Variants in DOK6 observed in about 807,000 individuals in gnomAD.
DOK6 encodes docking protein 6.
DOK6 carries 22 observed loss-of-function variants against 44.0 expected under a neutral mutation model. The observed-to-expected ratio is 0.50, with a 90% CI of 0.36 to 0.71. DOK6 has a LOEUF of 0.71. Among genes scored for constraint, DOK6 ranks in the 30% least tolerant of loss-of-function variants. DOK6 has a pLI of 0.00. For missense variants in DOK6, 340 were observed against 416.4 expected (o/e 0.82, Z 1.60); for synonymous variants, 166 against 145.5 (o/e 1.14, Z -1.01).
intron 4 of DOK6, among the ~76,000 whole-genome samples, chr18:69,695,658 T>C (rs1370013152): frequency 6.6e-6 from 1 of 152,194 alleles, no homozygotes; most frequent in African/African-American, 2.4e-5. Context: ...TTAGGTAACA[T>C]AATGTGCTGC....
intron 1 of DOK6, among the ~76,000 whole-genome samples, chr18:69,493,431 T>G (rs2144541653): frequency 6.6e-6 from 1 of 152,246 alleles, no homozygotes; most frequent in South Asian, 2.1e-4. Context: ...GCCTGAAAAC[T>G]TGTTAGAAAT....
chr18:69,644,842 T>A (rs980144732), intron 3 of DOK6, among the ~76,000 whole-genome samples: 2 of 152,232 alleles, frequency 1.3e-5, no homozygotes, highest in African/African-American at 4.8e-5. Flanking sequence ...ACAGGTGGAC[T>A]TGTTATCTTC....
At chr18:69,541,106 G>C (rs1263117455) in intron 1 of DOK6, among the ~76,000 whole-genome samples, 1 of 152,026 alleles carries the variant, frequency 6.6e-6, no homozygotes. Context: ...ATGTTTAATT[G>C]TTCCTTTGTT....
At chr18:69,527,398 C>T (rs987181933) in intron 1 of DOK6, among the ~76,000 whole-genome samples, 1 of 152,208 alleles carries the variant, frequency 6.6e-6, no homozygotes, top group African/African-American at 2.4e-5. Flanking sequence ...GTTCTTTTCA[C>T]ATGGCAGCAG....
At chr18:69,694,089 A>AAAAAAAAAAAAAAAT (rs1372739323) in intron 4 of DOK6, among the ~76,000 whole-genome samples, 46 of 144,302 alleles carry the variant, frequency 3.2e-4, no homozygotes, top group Non-Finnish European at 5.3e-4. Flanking sequence ...AAAAAAAAAA[A>AAAAAAAAAAAAAAAT]ATTGATCTAT....
intron 7 of DOK6, among the ~76,000 whole-genome samples, chr18:69,797,488 G>T (rs889561184): frequency 9.9e-5 from 15 of 151,926 alleles, no homozygotes; most frequent in African/African-American, 3.6e-4. Context: ...TGCTAACACA[G>T]GAAAAATAAT....
At chr18:69,489,701 T>C (rs1212926233) in intron 1 of DOK6, among the ~76,000 whole-genome samples, 1 of 152,194 alleles carries the variant, frequency 6.6e-6, no homozygotes, top group African/African-American at 2.4e-5. Flanking sequence ...TATCCTTCTC[T>C]TTCTAATGCA....
intron 3 of DOK6, among the ~76,000 whole-genome samples, chr18:69,648,977 C>T (rs976516807): frequency 2.0e-5 from 3 of 152,162 alleles, no homozygotes; most frequent in African/African-American, 4.8e-5. Flanking sequence ...AGCACTTAAT[C>T]CCACTAGATA....
intron 7 of DOK6, among the ~76,000 whole-genome samples, chr18:69,810,076 C>A (rs1269669229): frequency 6.6e-6 from 1 of 151,970 alleles, no homozygotes; most frequent in East Asian, 1.9e-4. Flanking sequence ...TGCCTGACTT[C>A]AAAATATACT....
intron 1 of DOK6, among the ~76,000 whole-genome samples, chr18:69,507,864 T>G (rs1257805439): frequency 1.3e-5 from 2 of 152,140 alleles, no homozygotes; most frequent in Admixed American, 1.3e-4. Context: ...GTAGCCTTGT[T>G]GCACTGACTG....
At chr18:69,518,709 CAG>C (rs1014278773) in intron 1 of DOK6, among the ~76,000 whole-genome samples, 5 of 151,878 alleles carry the variant, frequency 3.3e-5, no homozygotes, top group Admixed American at 2.0e-4. Context: ...AAAACAAAAA[CAG>C]AAAGAAAAAT....
intron 1 of DOK6, among the ~76,000 whole-genome samples, chr18:69,489,046 A>G (rs1436077593): frequency 6.6e-6 from 1 of 152,166 alleles, no homozygotes; most frequent in African/African-American, 2.4e-5. Context: ...TTTCTACTAA[A>G]TGGAAGATAG....
intron 4 of DOK6, among the ~76,000 whole-genome samples, chr18:69,682,162 G>A (rs1986059575): frequency 6.6e-6 from 1 of 152,150 alleles, no homozygotes; most frequent in East Asian, 1.9e-4. Context: ...AGACACCCTT[G>A]AATGTCATTC....
chr18:69,840,548 A>ATGCCCC (rs1328614841), intron 7 of DOK6, among the ~76,000 whole-genome samples: 1 of 152,212 alleles, frequency 6.6e-6, no homozygotes, highest in Non-Finnish European at 1.5e-5. Context: ...ACTATTTCTC[A>ATGCCCC]TGCAGGGGTG....
At chr18:69,537,329 G>A (rs910525170) in intron 1 of DOK6, among the ~76,000 whole-genome samples, 20 of 151,854 alleles carry the variant, frequency 1.3e-4, no homozygotes, top group African/African-American at 2.4e-4. Flanking sequence ...GCTTTTTTCC[G>A]CGGGCTATGT....
At chr18:69,490,550 C>T (rs2144539202) in intron 1 of DOK6, among the ~76,000 whole-genome samples, 1 of 152,142 alleles carries the variant, frequency 6.6e-6, no homozygotes, top group East Asian at 1.9e-4. Flanking sequence ...TTAGCATATA[C>T]TTAAGCTAGA....
chr18:69,600,143 T>C (rs1045439156), intron 3 of DOK6, among the ~76,000 whole-genome samples: 16 of 151,554 alleles, frequency 1.1e-4, no homozygotes, highest in African/African-American at 3.6e-4. Context: ...TTATAATGGA[T>C]GTTAGCAGAA....
intron 4 of DOK6, among the ~76,000 whole-genome samples, chr18:69,690,183 T>C (rs1052047202): frequency 2.6e-5 from 4 of 152,036 alleles, no homozygotes; most frequent in Admixed American, 6.6e-5. Flanking sequence ...AAAAAGATAC[T>C]GTGGAATTTT....
intron 1 of DOK6, among the ~76,000 whole-genome samples, chr18:69,489,801 C>A (rs1045832944): frequency 6.6e-6 from 1 of 151,794 alleles, no homozygotes; most frequent in Non-Finnish European, 1.5e-5. Flanking sequence ...TATTAGCTGA[C>A]ACAAGTTAAT....
Sources: allele counts gnomAD v4.1 joint callset (sites outside exome capture counted in the v4.1 genomes callset), GRCh38; gene constraint gnomAD v4.1.1; transcripts MANE v1.5; gene names NCBI Gene and HGNC (gene_info 2026-07-23, HGNC 2026-07-21).